CACNG4: variants seen among roughly 807,000 people sequenced by gnomAD.
CACNG4 encodes calcium voltage-gated channel auxiliary subunit gamma 4, also known as voltage-dependent calcium channel gamma-4 subunit.
A neutral mutation model predicts 22.9 loss-of-function variants in CACNG4; 8 were observed. The observed-to-expected ratio is 0.35, with a 90% confidence interval of 0.21 to 0.63. The LOEUF (loss-of-function observed/expected upper bound fraction) is 0.63. Among genes scored for constraint, CACNG4 ranks in the 30% least tolerant of loss-of-function variants. The pLI, the probability that CACNG4 is intolerant of heterozygous loss-of-function variation, is 0.72. For synonymous variants in CACNG4, 188 were observed against 191.9 expected (o/e 0.98, Z 0.17); for missense variants, 357 against 455.4 (o/e 0.78, Z 1.97).
chr17:66,967,423 C>CT (rs1166318925), intron 1 of CACNG4, among the ~76,000 whole-genome samples: 8 of 152,154 alleles, frequency 5.3e-5, no homozygotes, highest in African/African-American at 1.9e-4. Context: ...TGGGTGGGAA[C>CT]TGACAGCTTT....
At chr17:67,024,826 C>T in intron 2 of CACNG4, 34 bp from the exon 3 acceptor site, 1 of 1,491,402 alleles carries the variant, frequency 6.7e-7, no homozygotes, top group South Asian at 1.3e-5. Context: ...GATCTCACTG[C>T]CCTCTGCTTT....
chr17:66,979,918 G>A (rs1030593892), intron 1 of CACNG4, among the ~76,000 whole-genome samples: 1 of 152,022 alleles, frequency 6.6e-6, no homozygotes, highest in Non-Finnish European at 1.5e-5. Flanking sequence ...ACCATGCCCA[G>A]CTAATTTTTG....
rs540688310 is a variant in CACNG4 at position 67,007,623 on chromosome 17, C to T, written c.221-10566C>T. 7.9e-5 allele frequency among the ~76,000 whole-genome samples: 12 copies of T among 152,234 alleles called. No individual in the cohort carries two copies. In the South Asian group the frequency reaches 2.3e-3, roughly 29 times the overall value. ...TCTCGGTGATGTGCTGTCGGAAACTCAGGACTCTTTCTAAGCCCTTTCCTC... is the reference window on the plus strand; with the variant it reads ...TCTCGGTGATGTGCTGTCGGAAACTTAGGACTCTTTCTAAGCCCTTTCCTC... On this transcript the variant is annotated intron_variant, in intron 1 of 3. Coordinates refer to ENST00000262138, the MANE Select transcript of CACNG4 (RefSeq NM_014405.4).
chr17:67,000,729 G>T (rs990905235), intron 1 of CACNG4, among the ~76,000 whole-genome samples: 33 of 151,500 alleles, frequency 2.2e-4, no homozygotes, highest in African/African-American at 6.3e-4. Context: ...CTTTCGGGAC[G>T]GGGGGAGGGA....
At chr17:66,994,514 T>C (rs1177143223) in intron 1 of CACNG4, among the ~76,000 whole-genome samples, 1 of 152,160 alleles carries the variant, frequency 6.6e-6, no homozygotes, top group Non-Finnish European at 1.5e-5. Flanking sequence ...AAGCAGCCCA[T>C]GCTGCTGTCA....
chr17:66,999,482 C>T (rs1294131690), intron 1 of CACNG4, among the ~76,000 whole-genome samples: 1 of 152,136 alleles, frequency 6.6e-6, no homozygotes, highest in Non-Finnish European at 1.5e-5. Context: ...CTCATAGTTC[C>T]ACATGGCTGA....
intron 3 of CACNG4, among the ~76,000 whole-genome samples, chr17:67,029,381 C>A (rs1598128281): frequency 6.6e-6 from 1 of 152,120 alleles, no homozygotes; most frequent in African/African-American, 2.4e-5. Flanking sequence ...CCTGTAATCC[C>A]AGCCCTTTGG....
chr17:66,971,134 C>CCT (rs1598099827), intron 1 of CACNG4, among the ~76,000 whole-genome samples: 2 of 152,322 alleles, frequency 1.3e-5, no homozygotes, highest in East Asian at 3.9e-4. Context: ...ACTCCTCCCA[C>CCT]CTCTCACTCT....
rs751313719 is a variant in CACNG4, at chr17:66,984,063, C to G, written c.220+18932C>G. ...CTAACTGCACCCTTAGGATTACTCTCTGTAGATTATCTTCAGTAAAAATTA... is the reference window on the plus strand; with the variant it reads ...CTAACTGCACCCTTAGGATTACTCTGTGTAGATTATCTTCAGTAAAAATTA... On this transcript the variant is annotated intron_variant, in intron 1 of 3. Coordinates refer to ENST00000262138, the MANE Select transcript of CACNG4 (RefSeq NM_014405.4). The surrounding 1 kb of genome is among the most constrained non-coding windows in gnomAD (Gnocchi z 4.0). Among the ~76,000 whole-genome samples the G allele has an allele frequency of 6.6e-6, 1 of 152,158 alleles. No individual in the cohort carries two copies. Among genetic ancestry groups the G allele is most frequent in the Admixed American group, 6.5e-5 (1 of 15,270 alleles).
chr17:66,984,993 G>A lies in CACNG4; in HGVS notation c.220+19862G>A, dbSNP rs1056295122. ...CAGCTCAACGAGACCAGACCAAAGGGTGGCAGGGGACTGACATGGTTGGGG... is the reference window on the plus strand; with the variant it reads ...CAGCTCAACGAGACCAGACCAAAGGATGGCAGGGGACTGACATGGTTGGGG... On this transcript the variant is annotated intron_variant, in intron 1 of 3. Transcript: ENST00000262138. The surrounding 1 kb of genome is among the most constrained non-coding windows in gnomAD (Gnocchi z 4.0). Among the ~76,000 whole-genome samples, 25 of 152,158 alleles carry A rather than the reference G, an allele frequency of 1.6e-4. No homozygotes were observed. Among genetic ancestry groups the A allele is most frequent in the African/African-American group, 6.0e-4 (25 of 41,438 alleles).
chr17:67,019,096 C>T (rs2035517268), intron 2 of CACNG4, among the ~76,000 whole-genome samples: 1 of 152,176 alleles, frequency 6.6e-6, no homozygotes, highest in African/African-American at 2.4e-5. Context: ...CAAAGAGCAG[C>T]TCACAGCAGC....
chr17:67,015,975 G>A (rs2035494830), intron 1 of CACNG4, among the ~76,000 whole-genome samples: 1 of 152,094 alleles, frequency 6.6e-6, no homozygotes, highest in Non-Finnish European at 1.5e-5. Context: ...TGGCCTTTGT[G>A]TCCCCACCCC....
At chr17:66,993,967 T>A (rs59072175) in intron 1 of CACNG4, among the ~76,000 whole-genome samples, 1,994 of 152,138 alleles carry the variant, frequency 0.013, 51 homozygotes, top group African/African-American at 0.045. Flanking sequence ...GTACTATCCA[T>A]CTGTCTCTAT....
At chr17:67,001,521 G>A (rs1447888485) in intron 1 of CACNG4, among the ~76,000 whole-genome samples, 1 of 152,120 alleles carries the variant, frequency 6.6e-6, no homozygotes, top group African/African-American at 2.4e-5. Context: ...CTGTACTGTG[G>A]GTTCCTCTGA....
chr17:66,974,208 G>A (rs1288040332), intron 1 of CACNG4, among the ~76,000 whole-genome samples: 1 of 152,194 alleles, frequency 6.6e-6, no homozygotes, highest in Non-Finnish European at 1.5e-5. Context: ...GCCGAGGCAG[G>A]CCACAGCTTT....
At chr17:66,990,483 T>C (rs2035332544) in intron 1 of CACNG4, among the ~76,000 whole-genome samples, 1 of 152,100 alleles carries the variant, frequency 6.6e-6, no homozygotes, top group Admixed American at 6.5e-5. Context: ...TGGGTATCTT[T>C]CGGGCCATCT....
intron 1 of CACNG4, among the ~76,000 whole-genome samples, chr17:66,983,003 G>C (rs913952118): frequency 1.3e-5 from 2 of 151,204 alleles, no homozygotes; most frequent in African/African-American, 2.4e-5. Flanking sequence ...TGAGGCACGG[G>C]GAAGTTAAGC....
At chr17:66,978,718 G>A (rs950109766) in intron 1 of CACNG4, among the ~76,000 whole-genome samples, 13 of 152,254 alleles carry the variant, frequency 8.5e-5, no homozygotes, top group Admixed American at 5.9e-4. Flanking sequence ...CGAGCACGCT[G>A]TCCCTGCCTC....
At chr17:67,017,264 A>G (rs1233459252) in intron 1 of CACNG4, among the ~76,000 whole-genome samples, 1 of 152,076 alleles carries the variant, frequency 6.6e-6, no homozygotes, top group Non-Finnish European at 1.5e-5. Context: ...TTTAGGAGAA[A>G]TGGGGTTTCA....
Sources: gnomAD v4.1 joint callset for allele counts (sites outside exome capture counted in the v4.1 genomes callset) on GRCh38, gnomAD v4.1.1 for gene constraint, Gnocchi (gnomAD v3.1) non-coding constraint, MANE v1.5 for transcripts, NCBI Gene and HGNC (gene_info 2026-07-23, HGNC 2026-07-21) for gene names.